Variants in ATOSA observed in about 807,000 individuals in gnomAD.
ATOSA encodes atos homolog protein A.
the ATOSA span, chr15:52,649,452 TA>T: frequency 6.6e-6 from 1 of 152,170 alleles, no homozygotes; most frequent in Non-Finnish European, 1.5e-5. Flanking sequence ...ACATATTTTT[TA>T]AAGAACTGTA....
the ATOSA span, among the ~76,000 whole-genome samples, chr15:52,691,517 T>C: frequency 2.0e-5 from 3 of 152,190 alleles, no homozygotes; most frequent in African/African-American, 7.2e-5. Context: ...AAGGAAACTA[T>C]AAACTATTAA....
chr15:52,706,742 T>G, the ATOSA span, among the ~76,000 whole-genome samples: 1 of 152,214 alleles, frequency 6.6e-6, no homozygotes, highest in Non-Finnish European at 1.5e-5. Context: ...GGGAGCGATG[T>G]ATTGATGCAT....
At chr15:52,684,240 A>G in the ATOSA span, among the ~76,000 whole-genome samples, 1 of 152,212 alleles carries the variant, frequency 6.6e-6, no homozygotes, top group Non-Finnish European at 1.5e-5. Flanking sequence ...AATCAATTTA[A>G]ATATAAATTT....
the ATOSA span, among the ~76,000 whole-genome samples, chr15:52,590,523 G>T: frequency 1.3e-5 from 2 of 152,198 alleles, no homozygotes; most frequent in African/African-American, 4.8e-5. Flanking sequence ...TTTTACCCTT[G>T]TGAGTCATTT....
At chr15:52,617,466 T>C in the ATOSA span, among the ~76,000 whole-genome samples, 1 of 152,176 alleles carries the variant, frequency 6.6e-6, no homozygotes, top group Non-Finnish European at 1.5e-5. Context: ...TATGGCAGCC[T>C]GAGCACACTA....
At chr15:52,700,031 T>C in the ATOSA span, among the ~76,000 whole-genome samples, 2 of 152,324 alleles carry the variant, frequency 1.3e-5, no homozygotes, top group African/African-American at 4.8e-5. Flanking sequence ...TTATTTTCAA[T>C]GTATAAATTT....
the ATOSA span, among the ~76,000 whole-genome samples, chr15:52,682,405 A>G: frequency 6.6e-6 from 1 of 152,150 alleles, no homozygotes; most frequent in Non-Finnish European, 1.5e-5. Context: ...TCCAGTGACT[A>G]ATGTCCTGAT....
chr15:52,612,503 CTTTTT>C, the ATOSA span, among the ~76,000 whole-genome samples: 6 of 112,770 alleles, frequency 5.3e-5, no homozygotes, highest in Non-Finnish European at 5.5e-5. Flanking sequence ...TAAACAAGAT[CTTTTT>C]TTTTTTTTTT....
the ATOSA span, among the ~76,000 whole-genome samples, chr15:52,641,253 G>T: frequency 6.6e-6 from 1 of 152,218 alleles, no homozygotes; most frequent in Non-Finnish European, 1.5e-5. Flanking sequence ...GTAAAAAATG[G>T]TATGAATTAA....
the ATOSA span, among the ~76,000 whole-genome samples, chr15:52,632,380 A>G: frequency 2.6e-5 from 4 of 152,220 alleles, no homozygotes; most frequent in East Asian, 1.9e-4. Flanking sequence ...TTCCAAAATT[A>G]TAACTAATTT....
At chr15:52,655,296 C>T in the ATOSA span, among the ~76,000 whole-genome samples, 43 of 152,248 alleles carry the variant, frequency 2.8e-4, no homozygotes, top group Admixed American at 1.2e-3. Flanking sequence ...ATAACCACAA[C>T]GACAGCCTCA....
chr15:52,641,114 G>A, the ATOSA span, among the ~76,000 whole-genome samples: 5 of 152,166 alleles, frequency 3.3e-5, no homozygotes, highest in Non-Finnish European at 4.4e-5. Context: ...AGGTACAGGC[G>A]TTTATAAGAA....
At chr15:52,668,870 G>A in the ATOSA span, among the ~76,000 whole-genome samples, 3 of 147,626 alleles carry the variant, frequency 2.0e-5, no homozygotes, top group African/African-American at 7.5e-5. Flanking sequence ...GTAAATGGAT[G>A]TTAATTGTAG....
At chr15:52,687,523 C>T in the ATOSA span, among the ~76,000 whole-genome samples, 14 of 152,148 alleles carry the variant, frequency 9.2e-5, no homozygotes, top group African/African-American at 3.4e-4. Context: ...GAGGGGCCTG[C>T]TAAGGAAAGA....
the ATOSA span, among the ~76,000 whole-genome samples, chr15:52,616,622 A>G: frequency 2.0e-5 from 3 of 152,116 alleles, no homozygotes; most frequent in Non-Finnish European, 4.4e-5. Flanking sequence ...AACAAAGCCA[A>G]TTGATTCAAA....
the ATOSA span, among the ~76,000 whole-genome samples, chr15:52,617,772 A>AAATT: frequency 0.41 from 49,903 of 123,006 alleles, 12,027 homozygotes; most frequent in East Asian, 0.86. Context: ...ATTTATTAAT[A>AAATT]ATTTATTATA....
chr15:52,704,716 C>T, the ATOSA span, among the ~76,000 whole-genome samples: 1 of 152,122 alleles, frequency 6.6e-6, no homozygotes, highest in African/African-American at 2.4e-5. Context: ...AGACAGTTCT[C>T]AAAAGAAGAC....
At chr15:52,679,784 TCCTCCTCCTC>T in the ATOSA span, among the ~76,000 whole-genome samples, 1 of 44,088 alleles carries the variant, frequency 2.3e-5, no homozygotes, top group East Asian at 8.7e-4. Flanking sequence ...CTCCTCCTCC[TCCTCCTCCTC>T]CCCCCTCCCC....
At chr15:52,639,892 A>C in the ATOSA span, among the ~76,000 whole-genome samples, 2 of 151,026 alleles carry the variant, frequency 1.3e-5, no homozygotes, top group Non-Finnish European at 2.9e-5. Context: ...CTAGGATTAC[A>C]GGCACCCGCC....
Sources: allele counts gnomAD v4.1 joint callset (sites outside exome capture counted in the v4.1 genomes callset), GRCh38; gene constraint gnomAD v4.1.1; transcripts MANE v1.5; gene names NCBI Gene and HGNC (gene_info 2026-07-23, HGNC 2026-07-21).